The following DLGAP1 variants were observed in gnomAD, a reference collection of about 807,000 sequenced individuals.
DLGAP1 encodes the protein disks large-associated protein 1.
Under a neutral mutation model 90.8 loss-of-function variants are expected in DLGAP1, and 11 were observed. The ratio of observed to expected loss-of-function variants is 0.12; its 90% CI spans 0.08 to 0.20. The LOEUF (loss-of-function observed/expected upper bound fraction) is 0.20, where lower values mean the gene tolerates loss of function less well. DLGAP1 is among the 10% of genes least tolerant of loss of function. DLGAP1 has a pLI of 1.00. For missense variants in DLGAP1, 1,050 were observed against 1,333.8 expected, an observed-to-expected ratio of 0.79 and a Z score of 3.31; for synonymous variants, 558 against 540.7, an observed-to-expected ratio of 1.03 and a Z score of -0.44.
intron 4 of DLGAP1, chr18:3,874,384 C>A: frequency 6.8e-7 from 1 of 1,467,988 alleles, no homozygotes; most frequent in South Asian, 1.4e-5. Flanking sequence ...ATGCAAAATA[C>A]ACTGTTTGAA....
chr18:3,869,883 A>G (rs2070637501), intron 4 of DLGAP1, among the ~76,000 whole-genome samples: 1 of 152,218 alleles, frequency 6.6e-6, no homozygotes, highest in Non-Finnish European at 1.5e-5. Flanking sequence ...TATTTCTCAA[A>G]TTTGAAGTTA....
intron 3 of DLGAP1, among the ~76,000 whole-genome samples, chr18:4,001,205 A>C (rs546667322): frequency 1.8e-4 from 28 of 152,128 alleles, no homozygotes; most frequent in Admixed American, 1.5e-3. Flanking sequence ...ATTTTGGAAT[A>C]AGTTTTTTCT....
intron 1 of DLGAP1, among the ~76,000 whole-genome samples, chr18:4,216,821 G>C (rs2077968342): frequency 6.6e-6 from 1 of 152,036 alleles, no homozygotes; most frequent in African/African-American, 2.4e-5. Flanking sequence ...TCCTCTATTA[G>C]TAGCATCTTG....
chr18:4,080,177 G>T (rs796961090), intron 2 of DLGAP1, among the ~76,000 whole-genome samples: 5 of 152,232 alleles, frequency 3.3e-5, no homozygotes, highest in African/African-American at 1.2e-4. Context: ...TAGACATATT[G>T]CAGTGCTTTC....
In DLGAP1 at chr18:4,455,158, CG is replaced by C. The variant is rs1013334160; in HGVS notation, c.-420del. 2.6e-5 allele frequency: 4 copies of C among 151,626 alleles called. No homozygotes were observed. The highest frequency in any genetic ancestry group is 9.7e-5 in the African/African-American group (4 of 41,378). 9.4% of individuals were successfully genotyped at this position (151,626 alleles called of 1,614,324 possible). On this transcript the variant is annotated 5_prime_UTR_variant, in exon 1 of 13. Transcript: ENST00000315677. ...AGAGAGGAGCCGAGGCGGCGGCGGCCGTTCGCGCCGCCTATGCTGCCGATTC... is the reference window on the plus strand; with the variant it reads ...AGAGAGGAGCCGAGGCGGCGGCGGCCTTCGCGCCGCCTATGCTGCCGATTC...
At chr18:4,207,355 A>T (rs2077742694) in intron 1 of DLGAP1, among the ~76,000 whole-genome samples, 1 of 152,164 alleles carries the variant, frequency 6.6e-6, no homozygotes, top group South Asian at 2.1e-4. Context: ...CAAGAACAGG[A>T]TGAGGGAAAA....
At chr18:3,800,796 A>G (rs1312793714) in intron 5 of DLGAP1, among the ~76,000 whole-genome samples, 1 of 152,206 alleles carries the variant, frequency 6.6e-6, no homozygotes, top group East Asian at 1.9e-4. Flanking sequence ...TATGGTGTAT[A>G]TTGGAGAATG....
At chr18:3,685,563 CAAAAAAA>C (rs59737533) in intron 7 of DLGAP1, among the ~76,000 whole-genome samples, 1,049 of 76,548 alleles carry the variant, frequency 0.014, 9 homozygotes, top group Admixed American at 0.024. Context: ...GATTCCGTCT[CAAAAAAA>C]AAAAAAAAAA....
intron 1 of DLGAP1, among the ~76,000 whole-genome samples, chr18:4,291,761 A>G (rs917345007): frequency 6.6e-6 from 1 of 152,200 alleles, no homozygotes; most frequent in Admixed American, 6.6e-5. Context: ...ATGGTCTACT[A>G]AGGTGCCAAT....
intron 3 of DLGAP1, among the ~76,000 whole-genome samples, chr18:3,938,275 T>C (rs1417036675): frequency 1.3e-5 from 2 of 152,042 alleles, no homozygotes; most frequent in African/African-American, 4.8e-5. Context: ...TGCATGGGGG[T>C]TGCAGCTCAG....
In DLGAP1 at chr18:3,724,052, TAGTGGCTCAC is replaced by T. The variant is rs755667807; in HGVS notation, c.1591+5073_1591+5082del. ...AGAGAATTAGAGTATTGGTGGGGCATAGTGGCTCACACCTGTAATCCTAGCACTTTGGGAT... is the reference window on the plus strand; with the variant it reads ...AGAGAATTAGAGTATTGGTGGGGCATACCTGTAATCCTAGCACTTTGGGAT... On this transcript the variant is annotated intron_variant, in intron 7 of 12. Transcript: ENST00000315677. Among the ~76,000 whole-genome samples the T allele has an allele frequency of 1.5e-4, 23 of 152,190 alleles. 1 individual carries two copies. The highest frequency in any genetic ancestry group is 2.6e-4 in the Non-Finnish European group (18 of 68,032).
In DLGAP1 at chr18:3,611,288, C is replaced by T. The variant is rs1217175141; in HGVS notation, c.1592-29040G>A. Among the ~76,000 whole-genome samples, 65 of 152,068 alleles carry T rather than the reference C, an allele frequency of 4.3e-4. 1 individual carries two copies. Among genetic ancestry groups the T allele is most frequent in the Non-Finnish European group, 5.9e-5 (4 of 68,014 alleles). ...AGCCTCACACCCTCCCATCCCAGGCCCGCATCCCCCTAACTGATTTGAGAT... is the reference window on the plus strand; with the variant it reads ...AGCCTCACACCCTCCCATCCCAGGCTCGCATCCCCCTAACTGATTTGAGAT... On this transcript the variant is annotated intron_variant, in intron 7 of 12. Transcript: ENST00000315677.
At chr18:4,356,950 G>A (rs1352741006) in intron 1 of DLGAP1, among the ~76,000 whole-genome samples, 1 of 152,004 alleles carries the variant, frequency 6.6e-6, no homozygotes, top group Non-Finnish European at 1.5e-5. Context: ...GTAGCCACAA[G>A]GATAACACTC....
intron 5 of DLGAP1, among the ~76,000 whole-genome samples, chr18:3,762,813 G>A (rs1353002136): frequency 1.3e-5 from 2 of 151,986 alleles, no homozygotes; most frequent in African/African-American, 4.8e-5. Flanking sequence ...ACATTTCCAG[G>A]CTCTCCATAA....
intron 3 of DLGAP1, among the ~76,000 whole-genome samples, chr18:3,951,755 G>C (rs1159657579): frequency 6.6e-6 from 1 of 152,184 alleles, no homozygotes; most frequent in African/African-American, 2.4e-5. Context: ...TAAGAGATCT[G>C]ATGGTTTTAT....
At chr18:3,772,357 TTTCTTTCTTTC>T (rs1362518519) in intron 5 of DLGAP1, among the ~76,000 whole-genome samples, 1 of 4,068 alleles carries the variant, frequency 2.5e-4, no homozygotes, top group African/African-American at 5.4e-4. Flanking sequence ...TCTTTCTTTC[TTTCTTTCTTTC>T]TTTCTTTCTT....
intron 5 of DLGAP1, among the ~76,000 whole-genome samples, chr18:3,755,910 T>C (rs1342527918): frequency 1.3e-5 from 2 of 152,132 alleles, no homozygotes; most frequent in Non-Finnish European, 2.9e-5. Flanking sequence ...GACCACATAA[T>C]AGGTCATAAA....
At chr18:4,364,745 G>A (rs1173829747) in intron 1 of DLGAP1, among the ~76,000 whole-genome samples, 1 of 152,128 alleles carries the variant, frequency 6.6e-6, no homozygotes, top group Non-Finnish European at 1.5e-5. Flanking sequence ...TTGTTGTGAT[G>A]TTAGGTTGTT....
chr18:3,977,434 G>GTTTTTTTTTTTTTTTTTTTTTTT (rs58599574), intron 3 of DLGAP1, among the ~76,000 whole-genome samples: 5 of 95,332 alleles, frequency 5.2e-5, no homozygotes, highest in African/African-American at 2.1e-4. Flanking sequence ...TTTATTCTGT[G>GTTTTTTTTTTTTTTTTTTTTTTT]TTTTTTTTTT....
Sources: gnomAD v4.1 joint callset for allele counts (sites outside exome capture counted in the v4.1 genomes callset) on GRCh38, gnomAD v4.1.1 for gene constraint, MANE v1.5 for transcripts, NCBI Gene and HGNC (gene_info 2026-07-23, HGNC 2026-07-21) for gene names.